Variants in HPSE2 observed in about 807,000 individuals in gnomAD.
The protein encoded by HPSE2 is inactive heparanase-2.
Under a neutral mutation model 60.5 loss-of-function variants are expected in HPSE2, and 38 were observed. That is an observed-to-expected ratio of 0.63 (90% confidence interval 0.48 to 0.82). The LOEUF (loss-of-function observed/expected upper bound fraction) is 0.82. HPSE2 is among the 40% of genes least tolerant of loss of function. The probability of loss-of-function intolerance (pLI) is 0.00; values close to 1 mark genes in which losing one functional copy is unlikely to be tolerated. For synonymous variants in HPSE2, 295 were observed against 293.2 expected, an observed-to-expected ratio of 1.01 and a Z score of -0.06; for missense variants, 713 against 740.4, an observed-to-expected ratio of 0.96 and a Z score of 0.43.
At chr10:99,192,941 T>C (rs1848271437) in intron 2 of HPSE2, among the ~76,000 whole-genome samples, 1 of 152,070 alleles carries the variant, frequency 6.6e-6, no homozygotes, top group Non-Finnish European at 1.5e-5. Flanking sequence ...TAAGAAAACA[T>C]CTGAAAGTAG....
At chr10:99,019,514 T>C (rs937717231) in intron 3 of HPSE2, among the ~76,000 whole-genome samples, 1 of 152,182 alleles carries the variant, frequency 6.6e-6, no homozygotes, top group Non-Finnish European at 1.5e-5. Flanking sequence ...TACCTTTATA[T>C]GATTCTACCT....
intron 3 of HPSE2, among the ~76,000 whole-genome samples, chr10:99,020,031 G>A (rs1957228125): frequency 6.6e-6 from 1 of 152,152 alleles, no homozygotes; most frequent in African/African-American, 2.4e-5. Context: ...TTATACTAAA[G>A]AGGATGTGAG....
chr10:98,534,836 A>G (rs1451434619), intron 9 of HPSE2, among the ~76,000 whole-genome samples: 1 of 152,226 alleles, frequency 6.6e-6, no homozygotes, highest in Non-Finnish European at 1.5e-5. Flanking sequence ...TCCTAAAGAG[A>G]TATTTCCAGA....
intron 10 of HPSE2, among the ~76,000 whole-genome samples, chr10:98,489,429 T>C (rs1434899881): frequency 6.6e-6 from 1 of 152,218 alleles, no homozygotes; most frequent in Non-Finnish European, 1.5e-5. Flanking sequence ...CCACATTAGG[T>C]TGTTGTCCAG....
chr10:98,572,072 C>A (rs955661708), intron 9 of HPSE2, among the ~76,000 whole-genome samples: 15 of 151,732 alleles, frequency 9.9e-5, no homozygotes, highest in African/African-American at 3.6e-4. Context: ...TCCCAAGTAG[C>A]TGGGATTACA....
intron 6 of HPSE2, among the ~76,000 whole-genome samples, chr10:98,669,540 A>ATAC (rs1301758619): frequency 6.6e-6 from 1 of 152,264 alleles, no homozygotes; most frequent in Non-Finnish European, 1.5e-5. Flanking sequence ...ACAGCATGAA[A>ATAC]TACTATGCAG....
chr10:98,709,097 T>C (rs990381286), intron 5 of HPSE2, among the ~76,000 whole-genome samples: 5 of 152,216 alleles, frequency 3.3e-5, no homozygotes, highest in Non-Finnish European at 5.9e-5. Context: ...ATTTTCTTTG[T>C]TCAAATCTAA....
At chr10:99,305,919 A>G in the HPSE2 span, among the ~76,000 whole-genome samples, 5 of 151,144 alleles carry the variant, frequency 3.3e-5, no homozygotes, top group Non-Finnish European at 7.4e-5. Context: ...ACAGGATAGT[A>G]AACTCAAAAG....
intron 2 of HPSE2, among the ~76,000 whole-genome samples, chr10:99,162,815 A>C (rs1381994928): frequency 1.3e-5 from 2 of 152,124 alleles, no homozygotes; most frequent in Admixed American, 6.6e-5. Flanking sequence ...ATTCCAATTA[A>C]TACTATCTAC....
rs1178552715 is a variant in HPSE2 at position 98,524,931 on chromosome 10, T to C, written c.1321-34735A>G. On this transcript the variant is annotated intron_variant, in intron 9 of 11. Transcript: ENST00000370552. ...TTTCTTTACGTAGAACAATGTTAAA[T>C]AGCACATTAAAAATACCATGACAGA... 2.0e-5 allele frequency among the ~76,000 whole-genome samples: 3 copies of C among 152,336 alleles called. No individual in the cohort carries two copies. In the East Asian group the frequency reaches 5.8e-4, roughly 29 times the overall value.
intron 3 of HPSE2, among the ~76,000 whole-genome samples, chr10:98,912,932 A>C (rs1954019995): frequency 6.6e-6 from 1 of 152,220 alleles, no homozygotes; most frequent in Admixed American, 6.5e-5. Context: ...AAATTAAGTA[A>C]AATTAGATTG....
chr10:98,810,431 T>C (rs1054067545), intron 3 of HPSE2, among the ~76,000 whole-genome samples: 3 of 152,150 alleles, frequency 2.0e-5, no homozygotes, highest in Non-Finnish European at 4.4e-5. Flanking sequence ...GCGATTAAGA[T>C]CCTTCTCTTC....
chr10:99,248,212 C>G, the HPSE2 span, among the ~76,000 whole-genome samples: 2 of 152,292 alleles, frequency 1.3e-5, no homozygotes, highest in Admixed American at 6.5e-5. Flanking sequence ...AGTTTGAAAC[C>G]TCCTAGAGCC....
chr10:99,181,385 G>A lies in HPSE2; in HGVS notation c.449-36986C>T, dbSNP rs1290288758. Reference sequence around the variant, plus strand: ...TGCACTCCAGCCTGGGCGACAGAGCGAGACTCCGTCTCAAAAAAAAAAAAA... The same window carrying A: ...TGCACTCCAGCCTGGGCGACAGAGCAAGACTCCGTCTCAAAAAAAAAAAAA... On this transcript the variant is annotated intron_variant, in intron 2 of 11. Transcript: ENST00000370552. 7.8e-5 allele frequency among the ~76,000 whole-genome samples: 9 copies of A among 115,672 alleles called. No individual in the cohort carries two copies. The South Asian group carries it at 8.4e-4, about 11-fold the overall frequency. 75.9% of individuals were successfully genotyped at this position (115,672 alleles called of 152,430 possible).
intron 2 of HPSE2, among the ~76,000 whole-genome samples, chr10:99,169,626 A>G (rs1192371857): frequency 2.6e-5 from 4 of 151,146 alleles, no homozygotes; most frequent in Admixed American, 6.6e-5. Flanking sequence ...ACAAAGGAGA[A>G]GGAATATTTA....
chr10:98,531,273 TG>T (rs1212518670), intron 9 of HPSE2, among the ~76,000 whole-genome samples: 1 of 39,310 alleles, frequency 2.5e-5, no homozygotes, highest in East Asian at 0.028. Context: ...CATTTTAACT[TG>T]TTCCAGGAGG....
intron 3 of HPSE2, among the ~76,000 whole-genome samples, chr10:98,979,034 T>C (rs1286359029): frequency 6.6e-6 from 1 of 152,174 alleles, no homozygotes; most frequent in South Asian, 2.1e-4. Flanking sequence ...GTTTTTACAT[T>C]TTTGTGCTTT....
chr10:99,201,874 A>ATTTTGG (rs1848586079), intron 2 of HPSE2, among the ~76,000 whole-genome samples: 1 of 152,194 alleles, frequency 6.6e-6, no homozygotes, highest in Non-Finnish European at 1.5e-5. Flanking sequence ...AACTCCCAAG[A>ATTTTGG]AACCAAAATG....
chr10:99,020,367 T>C (rs914716435), intron 3 of HPSE2, among the ~76,000 whole-genome samples: 1 of 152,186 alleles, frequency 6.6e-6, no homozygotes, highest in Admixed American at 6.5e-5. Flanking sequence ...TAAACAGACA[T>C]AGAAAGGTGA....
Sources: gnomAD v4.1 joint callset for allele counts (sites outside exome capture counted in the v4.1 genomes callset) on GRCh38, gnomAD v4.1.1 for gene constraint, MANE v1.5 for transcripts, NCBI Gene and HGNC (gene_info 2026-07-23, HGNC 2026-07-21) for gene names.